RAD51B: variants seen among roughly 807,000 people sequenced by gnomAD.
The protein encoded by RAD51B is RAD51 paralog B.
In RAD51B, 38 loss-of-function variants were observed where a neutral mutation model predicts 42.2. The observed-to-expected ratio is 0.90, with a 90% CI of 0.70 to 1.18. The LOEUF is 1.18. RAD51B is among the 50% of genes most tolerant of loss of function. The probability of loss-of-function intolerance (pLI) is 0.00; values close to 1 mark genes in which losing one functional copy is unlikely to be tolerated. For missense variants in RAD51B, 373 were observed against 400.7 expected (o/e 0.93, Z 0.59); for synonymous variants, 154 against 145.2 (o/e 1.06, Z -0.43).
chr14:68,145,826 A>G (rs571534197), intron 7 of RAD51B, among the ~76,000 whole-genome samples: 1 of 152,358 alleles, frequency 6.6e-6, no homozygotes, highest in South Asian at 2.1e-4. Context: ...ACATTTGGAG[A>G]GTACTTGGGT....
intron 7 of RAD51B, among the ~76,000 whole-genome samples, chr14:67,967,795 C>T (rs962209089): frequency 2.0e-5 from 3 of 152,110 alleles, no homozygotes; most frequent in African/African-American, 4.8e-5. Flanking sequence ...TGCAAGCTGT[C>T]GGTGGATCTA....
intron 11 of RAD51B, among the ~76,000 whole-genome samples, chr14:68,664,334 C>T (rs1892991629): frequency 6.6e-6 from 1 of 152,176 alleles, no homozygotes; most frequent in Admixed American, 6.5e-5. Context: ...AATGTGGCAC[C>T]TTTTAACCTC....
chr14:68,667,298 G>A (rs996896351), intron 11 of RAD51B, among the ~76,000 whole-genome samples: 2 of 152,246 alleles, frequency 1.3e-5, no homozygotes, highest in African/African-American at 4.8e-5. Context: ...CAGAATTTCT[G>A]TTGCAGTCTG....
intron 9 of RAD51B, among the ~76,000 whole-genome samples, chr14:68,429,093 T>C (rs2084933371): frequency 6.6e-6 from 1 of 152,142 alleles, no homozygotes; most frequent in African/African-American, 2.4e-5. Flanking sequence ...CTCATCATTT[T>C]TTATGGCTGC....
At chr14:68,348,307 A>G (rs1177221863) in intron 8 of RAD51B, among the ~76,000 whole-genome samples, 1 of 152,214 alleles carries the variant, frequency 6.6e-6, no homozygotes, top group African/African-American at 2.4e-5. Context: ...TAATGACTAA[A>G]AAGTGAAGAA....
chr14:68,113,911 T>C (rs550976365), intron 7 of RAD51B: 1 of 152,152 alleles, frequency 6.6e-6, no homozygotes, highest in Non-Finnish European at 1.5e-5. Flanking sequence ...AGCAAAAGAC[T>C]TCTCACAGAT....
intron 10 of RAD51B, among the ~76,000 whole-genome samples, chr14:68,484,833 T>G (rs1051015939): frequency 2.0e-5 from 3 of 152,166 alleles, no homozygotes; most frequent in African/African-American, 7.2e-5. Flanking sequence ...AGGGCTACTC[T>G]CACTCTCCCA....
chr14:68,342,449 C>T (rs956112757), intron 8 of RAD51B, among the ~76,000 whole-genome samples: 6 of 152,146 alleles, frequency 3.9e-5, no homozygotes, highest in East Asian at 1.9e-4. Flanking sequence ...GGAAGCACTT[C>T]GCACATTCAG....
At chr14:68,316,626 G>A (rs1479219147) in intron 8 of RAD51B, among the ~76,000 whole-genome samples, 5 of 152,176 alleles carry the variant, frequency 3.3e-5, no homozygotes, top group Non-Finnish European at 4.4e-5. Flanking sequence ...CTGTGAGACA[G>A]AACAACAGCG....
At chr14:68,190,442 G>A (rs899321107) in intron 7 of RAD51B, among the ~76,000 whole-genome samples, 5 of 152,054 alleles carry the variant, frequency 3.3e-5, no homozygotes, top group Non-Finnish European at 1.5e-5. Flanking sequence ...TAAATGTATA[G>A]AAAAACAGAT....
intron 7 of RAD51B, among the ~76,000 whole-genome samples, chr14:68,127,974 G>A (rs1235161038): frequency 6.6e-6 from 1 of 152,062 alleles, no homozygotes; most frequent in Non-Finnish European, 1.5e-5. Flanking sequence ...TGGAGAGCAT[G>A]GTAGATGATC....
intron 7 of RAD51B, among the ~76,000 whole-genome samples, chr14:68,104,775 A>G (rs1372794104): frequency 6.6e-6 from 1 of 152,122 alleles, no homozygotes; most frequent in Non-Finnish European, 1.5e-5. Context: ...TGAAACCAAG[A>G]ACTTTCCCTC....
rs566648292 is a variant in RAD51B at position 68,626,817 on chromosome 14, A to G, written c.1037-23964A>G. ...TCACTATAGGTAGACCAGATTTAAGAGGTGAGAAGCAGCTCATGAATCTGA... is the reference window on the plus strand; with the variant it reads ...TCACTATAGGTAGACCAGATTTAAGGGGTGAGAAGCAGCTCATGAATCTGA... On this transcript the variant is annotated intron_variant, in intron 10 of 11. Transcript: ENST00000488612. Among the ~76,000 whole-genome samples the G allele has an allele frequency of 2.7e-4, 41 of 152,354 alleles. 1 individual carries two copies. The highest frequency in any genetic ancestry group is 8.9e-4 in the African/African-American group (37 of 41,574).
At chr14:68,032,032 G>T (rs2076052991) in intron 7 of RAD51B, among the ~76,000 whole-genome samples, 1 of 128,592 alleles carries the variant, frequency 7.8e-6, no homozygotes, top group Non-Finnish European at 1.6e-5. Flanking sequence ...TTACAATCAG[G>T]CTTTGTGTCT....
chr14:68,161,534 T>C (rs2078638877), intron 7 of RAD51B, among the ~76,000 whole-genome samples: 1 of 152,106 alleles, frequency 6.6e-6, no homozygotes, highest in African/African-American at 2.4e-5. Context: ...AGGGACTGGA[T>C]TGAGAGTAGA....
intron 10 of RAD51B, among the ~76,000 whole-genome samples, chr14:68,485,585 C>A (rs1339379304): frequency 1.3e-5 from 2 of 152,102 alleles, no homozygotes; most frequent in African/African-American, 4.8e-5. Context: ...CATTGAGGAA[C>A]CCTGACCAAG....
At chr14:68,280,177 C>G (rs1178155889) in intron 7 of RAD51B, among the ~76,000 whole-genome samples, 1 of 152,216 alleles carries the variant, frequency 6.6e-6, no homozygotes, top group Non-Finnish European at 1.5e-5. Flanking sequence ...GTTTCCAACT[C>G]TAACAAACAG....
At chr14:68,496,152 T>C (rs1884496797) in intron 10 of RAD51B, among the ~76,000 whole-genome samples, 1 of 152,194 alleles carries the variant, frequency 6.6e-6, no homozygotes, top group Non-Finnish European at 1.5e-5. Context: ...CTTAACCTTT[T>C]TGAACCTCAG....
intron 7 of RAD51B, among the ~76,000 whole-genome samples, chr14:68,249,195 T>C (rs1200909971): frequency 6.6e-6 from 1 of 152,218 alleles, no homozygotes; most frequent in African/African-American, 2.4e-5. Context: ...TCTGCTACCC[T>C]GGATGCCTCA....
Sources: gnomAD v4.1 joint callset for allele counts (sites outside exome capture counted in the v4.1 genomes callset) on GRCh38, gnomAD v4.1.1 for gene constraint, MANE v1.5 for transcripts, NCBI Gene and HGNC (gene_info 2026-07-23, HGNC 2026-07-21) for gene names.